Variants in SYNPO2 observed in about 807,000 individuals in gnomAD.
SYNPO2 encodes the protein synaptopodin-2.
SYNPO2 carries 56 observed loss-of-function variants against 85.0 expected under a neutral mutation model. The ratio of observed to expected loss-of-function variants is 0.66; its 90% CI spans 0.53 to 0.82. The LOEUF is 0.82. SYNPO2 is among the 40% of genes least tolerant of loss of function. The pLI is 0.00. For missense variants in SYNPO2, 1,575 were observed against 1,534.2 expected (o/e 1.03, Z -0.44); for synonymous variants, 602 against 591.1 (o/e 1.02, Z -0.27).
rs1388992330 is a variant in SYNPO2, at chr4:118,928,714, T to C, written c.105+39573T>C. ...TGGTGAAGGAGGTTAGCCTGTTTAT[T>C]AGAGTGAATCAAAATGGTTAAACCT... On this transcript the variant is annotated intron_variant, in intron 1 of 4. Coordinates refer to ENST00000307142, the MANE Select transcript of SYNPO2 (RefSeq NM_133477.3). Among the ~76,000 whole-genome samples, 8 of 152,332 alleles carry C rather than the reference T, an allele frequency of 5.3e-5. No individual in the cohort carries two copies. The East Asian group carries it at 1.5e-3, about 29-fold the overall frequency.
At chr4:118,907,504 A>C (rs1023384447) in intron 1 of SYNPO2, among the ~76,000 whole-genome samples, 3 of 152,220 alleles carry the variant, frequency 2.0e-5, no homozygotes, top group Non-Finnish European at 4.4e-5. Flanking sequence ...TTGTTCATCT[A>C]TTCCTTAAAC....
chr4:118,990,165 A>G (rs938299303), intron 1 of SYNPO2, among the ~76,000 whole-genome samples: 1 of 152,096 alleles, frequency 6.6e-6, no homozygotes, highest in Non-Finnish European at 1.5e-5. Context: ...CTCTGCAAGT[A>G]TGGGTAATAA....
In SYNPO2 at chr4:118,889,339, T is replaced by G. The variant is rs570858920; in HGVS notation, c.105+198T>G. 3.3e-5 allele frequency among the ~76,000 whole-genome samples: 5 copies of G among 152,122 alleles called. No individual in the cohort carries two copies. The South Asian group carries it at 1.0e-3, about 32-fold the overall frequency. On this transcript the variant is annotated intron_variant, in intron 1 of 4. Coordinates refer to ENST00000307142, the MANE Select transcript of SYNPO2 (RefSeq NM_133477.3). ...TGGGCCACATCCTATGTAATTAACT[T>G]GCAATCGATGAGGGGTGGGTGGGAA...
In SYNPO2 at chr4:119,052,552, C is replaced by CT. The variant is rs1335660306; in HGVS notation, c.3253-4842dup. ...TTTCTTCTCCTCTTTTATTCTACTC[C>CT]TTTTTTTCCTCCAACCCCAGGGGGC... On this transcript the variant is annotated intron_variant, in intron 4 of 4. Coordinates refer to ENST00000307142, the MANE Select transcript of SYNPO2 (RefSeq NM_133477.3). Among the ~76,000 whole-genome samples, 16 of 152,256 alleles carry CT rather than the reference C, an allele frequency of 1.1e-4. No homozygotes were observed. In the East Asian group the frequency reaches 2.3e-3, roughly 22 times the overall value.
At chr4:119,038,064 T>G (rs1369583540) in intron 4 of SYNPO2, 2 of 856,400 alleles carry the variant, frequency 2.3e-6, no homozygotes, top group Admixed American at 6.2e-5. Context: ...ACTAAGCTTA[T>G]AAGCAGTGGA....
chr4:118,952,033 T>C (rs17050228), intron 1 of SYNPO2, among the ~76,000 whole-genome samples: 25,996 of 152,170 alleles, frequency 0.17, 2,764 homozygotes, highest in East Asian at 0.26. Flanking sequence ...CAGTCCCTTC[T>C]GTTAGTCTCA....
chr4:119,034,088 A>T, intron 4 of SYNPO2: 1 of 985,428 alleles, frequency 1.0e-6, no homozygotes, highest in Non-Finnish European at 1.2e-6. Flanking sequence ...AAAGCAATCT[A>T]TTCATTATAT....
chr4:118,933,654 G>A (rs1447946461), intron 1 of SYNPO2, among the ~76,000 whole-genome samples: 1 of 152,068 alleles, frequency 6.6e-6, no homozygotes, highest in Non-Finnish European at 1.5e-5. Context: ...GGTTAAGGAG[G>A]ATTGAAAAAC....
In SYNPO2 at chr4:118,889,187, A is replaced by G. The variant is rs759523914; in HGVS notation, c.105+46A>G. The stretch of plus-strand genomic sequence containing the variant: ...CACGGCTCTGTGCTAGGAAGGAAGG[A>G]ATGAAAGCAACCTGCTGATGGTGTT... On this transcript the variant is annotated intron_variant, in intron 1 of 4. Transcript: ENST00000307142. 3 of 1,561,220 alleles carry G rather than the reference A, an allele frequency of 1.9e-6. No individual in the cohort carries two copies. The African/African-American group carries it at 4.1e-5, about 21-fold the overall frequency.
intron 1 of SYNPO2, among the ~76,000 whole-genome samples, chr4:118,922,831 A>G (rs1257308995): frequency 1.3e-5 from 2 of 152,172 alleles, no homozygotes; most frequent in Admixed American, 6.6e-5. Flanking sequence ...CATTACGTTT[A>G]GAGATCCCAG....
At chr4:118,996,767 G>A (rs1399092907) in intron 1 of SYNPO2, among the ~76,000 whole-genome samples, 2 of 151,072 alleles carry the variant, frequency 1.3e-5, no homozygotes, top group African/African-American at 4.9e-5. Flanking sequence ...TGAGGTAGGA[G>A]AATCGCTCGA....
In SYNPO2 at chr4:119,058,296, T is replaced by C. The variant is rs1428300982; in HGVS notation, c.*362T>C. On this transcript the variant is annotated 3_prime_UTR_variant, in exon 5 of 5. Coordinates refer to ENST00000307142, the MANE Select transcript of SYNPO2 (RefSeq NM_133477.3). ...TACTCAATTAAAGTAAAACTAAGTA[T>C]TTCTTCATTGTACCTTAGTCCAGGA... 5.9e-6 allele frequency: 1 copy of C among 168,718 alleles called. No homozygotes were observed. The highest frequency in any genetic ancestry group is 1.7e-4 in the East Asian group (1 of 6,022). 10.5% of individuals were successfully genotyped at this position (168,718 alleles called of 1,614,324 possible).
At chr4:118,985,719 C>T (rs532075574) in intron 1 of SYNPO2, among the ~76,000 whole-genome samples, 2 of 152,360 alleles carry the variant, frequency 1.3e-5, no homozygotes, top group East Asian at 3.9e-4. Flanking sequence ...TTAACATCTG[C>T]TGGCTGGGCT....
chr4:118,985,933 GC>G (rs1736201284), intron 1 of SYNPO2, among the ~76,000 whole-genome samples: 1 of 152,164 alleles, frequency 6.6e-6, no homozygotes, highest in African/African-American at 2.4e-5. Context: ...CAGCTATTTA[GC>G]CCTCCGATGT....
chr4:118,995,849 G>GTATCTATTTATCTTATCTATC (rs1302234438), intron 1 of SYNPO2, among the ~76,000 whole-genome samples: 45 of 149,240 alleles, frequency 3.0e-4, no homozygotes, highest in African/African-American at 1.1e-3. Flanking sequence ...ATCTGTCCAT[G>GTATCTATTTATCTTATCTATC]TATCTATTTA....
At chr4:119,048,322 C>T (rs948226765) in intron 4 of SYNPO2, among the ~76,000 whole-genome samples, 1 of 152,180 alleles carries the variant, frequency 6.6e-6, no homozygotes, top group South Asian at 2.1e-4. Context: ...AAGATAACCA[C>T]ATTTTCAGTT....
rs1234721033 is a variant in SYNPO2 at position 118,960,785 on chromosome 4, ATG to A, written c.106-62644_106-62643del. 3.3e-5 allele frequency among the ~76,000 whole-genome samples: 5 copies of A among 152,146 alleles called. No individual in the cohort carries two copies. In the East Asian group the frequency reaches 9.6e-4, roughly 29 times the overall value. On this transcript the variant is annotated intron_variant, in intron 1 of 4. Coordinates refer to ENST00000307142, the MANE Select transcript of SYNPO2 (RefSeq NM_133477.3). ...CTTGGGGATTAGACCCAAGTACTCCATGGCTCCAGGAGAGAGTCTAAGCAGCA... is the reference window on the plus strand; with the variant it reads ...CTTGGGGATTAGACCCAAGTACTCCAGCTCCAGGAGAGAGTCTAAGCAGCA...
intron 1 of SYNPO2, among the ~76,000 whole-genome samples, chr4:118,873,952 C>T (rs371690170): frequency 6.3e-5 from 7 of 111,212 alleles, no homozygotes; most frequent in East Asian, 3.1e-4. Flanking sequence ...CTTTTCCCAC[C>T]GGCATTTATT....
intron 4 of SYNPO2, chr4:119,033,780 TC>T (rs1738381836): frequency 1.0e-6 from 1 of 984,796 alleles, no homozygotes; most frequent in South Asian, 4.7e-5. Flanking sequence ...TATGAGCTAT[TC>T]TGATCTAAAT....
Sources: allele counts gnomAD v4.1 joint callset (sites outside exome capture counted in the v4.1 genomes callset), GRCh38; gene constraint gnomAD v4.1.1; transcripts MANE v1.5; gene names NCBI Gene and HGNC (gene_info 2026-07-23, HGNC 2026-07-21).